The following ACP7 variants were observed in gnomAD, a reference collection of about 807,000 sequenced individuals.
ACP7 encodes the protein acid phosphatase type 7.
ACP7 carries 58 observed loss-of-function variants against 60.6 expected under a neutral mutation model. That is an observed-to-expected ratio of 0.96 (90% confidence interval 0.77 to 1.19). ACP7 has a LOEUF of 1.19. Ranked by LOEUF, ACP7 falls within the 50% of genes most tolerant of loss-of-function variation. ACP7 has a pLI of 0.00. For missense variants in ACP7, 574 were observed against 596.2 expected, an observed-to-expected ratio of 0.96 and a Z score of 0.39; for synonymous variants, 237 against 232.6, an observed-to-expected ratio of 1.02 and a Z score of -0.17.
At chr19:39,098,858 A>G in intron 3 of ACP7, 102 bp from the exon 4 acceptor site, 1 of 1,463,878 alleles carries the variant, frequency 6.8e-7, no homozygotes, top group Non-Finnish European at 9.2e-7. Flanking sequence ...AGCCCCCACC[A>G]GTCCCCCCAT....
At chr19:39,090,381 C>T (rs2073190665) in intron 2 of ACP7, among the ~76,000 whole-genome samples, 1 of 152,068 alleles carries the variant, frequency 6.6e-6, no homozygotes. Flanking sequence ...GTTGCCCAGG[C>T]TGGTCTTGAA....
chr19:39,101,180 G>C lies in ACP7; in HGVS notation c.946G>C (p.Gly316Arg). 1 of 1,614,138 alleles carries C rather than the reference G, an allele frequency of 6.2e-7. No individual in the cohort carries two copies. Among genetic ancestry groups the C allele is most frequent in the Non-Finnish European group, 8.5e-7 (1 of 1,180,022 alleles). The change falls in exon 9 of 13, where the codon GGG (glycine) becomes CGG (arginine). Residue 316 changes from glycine to arginine, a missense_variant. Gly to Arg is a moderately radical substitution (Grantham distance 125, BLOSUM62 -2). Coordinates refer to ENST00000331256, the MANE Select transcript of ACP7 (RefSeq NM_001004318.3). The part of the protein sequence containing the change: ...VRKGLQGKLY[G>R]LEDLFYKYGV... ...CAAAGGCCTCCAAGGCAAGCTGTAC[G>C]GGTTGGAGGATCTTTTCTACAAATA...
intron 2 of ACP7, among the ~76,000 whole-genome samples, chr19:39,088,007 C>T (rs548236520): frequency 2.2e-4 from 33 of 152,118 alleles, no homozygotes; most frequent in African/African-American, 4.1e-4. Flanking sequence ...ATGTCTTTTA[C>T]ATCTTCAAAG....
intron 11 of ACP7, among the ~76,000 whole-genome samples, chr19:39,105,841 T>C (rs1311486747): frequency 1.3e-5 from 2 of 152,200 alleles, no homozygotes; most frequent in African/African-American, 4.8e-5. Context: ...TCTTTGAGCC[T>C]CTGATTTCTC....
chr19:39,107,169 G>T (rs547539955), intron 12 of ACP7, 85 bp downstream of exon 12: 7 of 1,363,616 alleles, frequency 5.1e-6, no homozygotes, highest in South Asian at 2.0e-5. Context: ...GGGCTCGGCC[G>T]GGCGCAGTGG....
chr19:39,102,769 C>CTTTCTT (rs1568482786), intron 11 of ACP7, among the ~76,000 whole-genome samples: 14 of 19,208 alleles, frequency 7.3e-4, no homozygotes, highest in South Asian at 1.5e-3. Flanking sequence ...CTTTCTTTCT[C>CTTTCTT]TCTCTCTCTC....
intron 12 of ACP7, among the ~76,000 whole-genome samples, chr19:39,109,380 A>C (rs906061540): frequency 7.2e-5 from 11 of 152,058 alleles, no homozygotes; most frequent in African/African-American, 2.4e-4. Flanking sequence ...AGAACATGGA[A>C]GTTTTGCTCA....
chr19:39,104,250 C>A (rs2073388443), intron 11 of ACP7, among the ~76,000 whole-genome samples: 2 of 151,818 alleles, frequency 1.3e-5, no homozygotes, highest in Non-Finnish European at 1.5e-5. Context: ...TTACAATGTT[C>A]TCTGCATATA....
intron 9 of ACP7, 21 bp downstream of exon 9, chr19:39,101,228 A>G (rs762718591): frequency 4.0e-5 from 65 of 1,613,970 alleles, no homozygotes; most frequent in Non-Finnish European, 5.3e-5. Flanking sequence ...CTCAGGACCC[A>G]TGCCCCACAC....
chr19:39,087,258 A>G (rs985991351), intron 2 of ACP7, among the ~76,000 whole-genome samples: 5 of 151,666 alleles, frequency 3.3e-5, no homozygotes, highest in African/African-American at 1.2e-4. Context: ...GCGATCCTCC[A>G]GTCTCGGCCT....
Position 39,098,440 on chromosome 19 carries a change from C to G in ACP7, c.122-18C>G. 6.7e-7 allele frequency: 1 copy of G among 1,499,380 alleles called. No homozygotes were observed. The highest frequency in any genetic ancestry group is 1.3e-5 in the South Asian group (1 of 76,668). The allele number at this position is 1,499,380 out of a possible 1,614,324, so 92.9% of individuals were successfully genotyped here. A position where few individuals can be genotyped will look rare whatever the true frequency, so the allele number is the denominator to read the frequency against. On this transcript the variant is annotated intron_variant, in intron 2 of 12. Coordinates refer to ENST00000331256, the MANE Select transcript of ACP7 (RefSeq NM_001004318.3). The stretch of plus-strand genomic sequence containing the variant: ...CCAGGCTTCACTCCCGGTCTACCCT[C>G]TGTCCCTTTCTCCCCAGGTGAGCCA...
intron 2 of ACP7, among the ~76,000 whole-genome samples, chr19:39,094,321 G>A (rs2073242126): frequency 6.6e-6 from 1 of 151,812 alleles, no homozygotes; most frequent in African/African-American, 2.4e-5. Flanking sequence ...TGGCCAACAC[G>A]GTGAAACCCT....
At position 39,106,703 on chromosome 19, in the gene ACP7, T is replaced by C. The variant is rs2073414248; in HGVS notation, c.1114-244T>C. ...CACACCAGGCTAATTTTTGTATTTT[T>C]AGTAGAGACAGGGTTTCACCATGTT... On this transcript the variant is annotated intron_variant, in intron 11 of 12. Coordinates refer to ENST00000331256, the MANE Select transcript of ACP7 (RefSeq NM_001004318.3). Among the ~76,000 whole-genome samples the C allele has an allele frequency of 2.0e-5, 3 of 152,134 alleles. No individual in the cohort carries two copies. The South Asian group carries it at 6.2e-4, about 32-fold the overall frequency.
At chr19:39,102,715 T>TGACTTTCTTTCTTTC (rs1555769416) in intron 11 of ACP7, among the ~76,000 whole-genome samples, 2 of 118,616 alleles carry the variant, frequency 1.7e-5, no homozygotes, top group African/African-American at 6.7e-5. Flanking sequence ...CAATGAAGAC[T>TGACTTTCTTTCTTTC]TTTCTTTCTT....
chr19:39,100,205 C>G (rs769871081), intron 4 of ACP7, 22 bp from the exon 5 acceptor site: 2 of 1,604,312 alleles, frequency 1.2e-6, no homozygotes, highest in South Asian at 1.1e-5. Context: ...GGTCCTCACC[C>G]TCCTTCCGCC....
chr19:39,103,387 C>T (rs2145029674), intron 11 of ACP7, among the ~76,000 whole-genome samples: 1 of 148,914 alleles, frequency 6.7e-6, no homozygotes, highest in African/African-American at 2.5e-5. Context: ...GTCTCCTTTC[C>T]ACTCATCCCC....
Position 39,101,631 on chromosome 19 carries a change from A to G in ACP7, c.1113+94A>G. ...AGACTGAGTGCTGGGTGCTTTATAT[A>G]GTGGATATCACTTAACCCTCAGCCC... On this transcript the variant is annotated intron_variant, in intron 11 of 12. Coordinates refer to ENST00000331256, the MANE Select transcript of ACP7 (RefSeq NM_001004318.3). 3.0e-6 allele frequency: 4 copies of G among 1,350,196 alleles called. No homozygotes were observed. In the South Asian group the frequency reaches 5.1e-5, roughly 17 times the overall value. The allele number at this position is 1,350,196 out of a possible 1,614,324, so 83.6% of individuals were successfully genotyped here.
At chr19:39,107,700 A>T (rs894050209) in intron 12 of ACP7, among the ~76,000 whole-genome samples, 24 of 152,188 alleles carry the variant, frequency 1.6e-4, no homozygotes, top group Middle Eastern at 3.4e-3. Flanking sequence ...AGCCTGGCCA[A>T]CATGGTGAAA....
intron 12 of ACP7, 26 bp downstream of exon 12, chr19:39,107,110 C>G (rs1600274729): frequency 6.2e-7 from 1 of 1,612,114 alleles, no homozygotes; most frequent in East Asian, 2.2e-5. Context: ...GCCGAAGTCA[C>G]CTGACTGTAC....
Sources: allele counts gnomAD v4.1 joint callset (sites outside exome capture counted in the v4.1 genomes callset), GRCh38; gene constraint gnomAD v4.1.1; transcripts MANE v1.5; gene names NCBI Gene and HGNC (gene_info 2026-07-23, HGNC 2026-07-21).